Variants in BLOC1S2 observed in about 807,000 individuals in gnomAD.
BLOC1S2 encodes biogenesis of lysosome-related organelles complex 1 subunit 2.
Under a neutral mutation model 19.6 loss-of-function variants are expected in BLOC1S2, and 12 were observed. The ratio of observed to expected loss-of-function variants is 0.61; its 90% CI spans 0.39 to 0.99. The LOEUF (loss-of-function observed/expected upper bound fraction) is 0.99. Among genes scored for constraint, BLOC1S2 ranks in the 50% least tolerant of loss-of-function variants. BLOC1S2 has a pLI of 0.00. For missense variants in BLOC1S2, 142 were observed against 171.0 expected (o/e 0.83, Z 0.95); for synonymous variants, 66 against 64.1 (o/e 1.03, Z -0.14).
chr10:100,278,583 T>C (rs370455692), intron 4 of BLOC1S2, among the ~76,000 whole-genome samples: 2 of 152,192 alleles, frequency 1.3e-5, no homozygotes, highest in East Asian at 3.8e-4. Flanking sequence ...CAGGGTTAAA[T>C]GGATTAAGGG....
At chr10:100,280,796 C>T (rs1411868690) in intron 3 of BLOC1S2, 138 bp downstream of exon 3, 5 of 1,208,880 alleles carry the variant, frequency 4.1e-6, no homozygotes, top group African/African-American at 3.1e-5. Context: ...GGAAGAAATT[C>T]ATCTTAAATT....
At chr10:100,277,117 C>A (rs1379265022) in intron 4 of BLOC1S2, among the ~76,000 whole-genome samples, 3 of 151,962 alleles carry the variant, frequency 2.0e-5, no homozygotes, top group Admixed American at 6.6e-5. Context: ...TGCCCGGCAG[C>A]CCACCGTCTG....
At chr10:100,280,913 A>C (rs970751959) in intron 3 of BLOC1S2, 21 bp downstream of exon 3, 1 of 1,598,056 alleles carries the variant, frequency 6.3e-7, no homozygotes, top group Non-Finnish European at 8.5e-7. Flanking sequence ...AACATGTTTA[A>C]TTACAAATAT....
chr10:100,284,722 C>G (rs1444835769), intron 2 of BLOC1S2, among the ~76,000 whole-genome samples: 3 of 152,102 alleles, frequency 2.0e-5, no homozygotes, highest in Non-Finnish European at 2.9e-5. Context: ...AACTCCTGAC[C>G]TCAGGTGATC....
In BLOC1S2 at chr10:100,275,323, A is replaced by G; in HGVS notation, c.*139T>C. 1 of 833,948 alleles carries G rather than the reference A, an allele frequency of 1.2e-6. No homozygotes were observed. Among genetic ancestry groups the G allele is most frequent in the Non-Finnish European group, 1.9e-6 (1 of 533,492 alleles). 51.7% of individuals were successfully genotyped at this position (833,948 alleles called of 1,614,324 possible). A position where few individuals can be genotyped will look rare whatever the true frequency, so the allele number is the denominator to read the frequency against. ...TAGCCACAGTCCTCCAGTTTACTCGAACGTTGAGATGTTCCTGTGATGACC... is the reference window on the plus strand; with the variant it reads ...TAGCCACAGTCCTCCAGTTTACTCGGACGTTGAGATGTTCCTGTGATGACC... On this transcript the variant is annotated 3_prime_UTR_variant, in exon 5 of 5. Coordinates refer to ENST00000370372, the MANE Select transcript of BLOC1S2 (RefSeq NM_173809.5).
intron 4 of BLOC1S2, among the ~76,000 whole-genome samples, chr10:100,278,296 G>A (rs1275816465): frequency 1.3e-5 from 2 of 151,990 alleles, no homozygotes; most frequent in African/African-American, 4.8e-5. Flanking sequence ...GAAGTGAGGA[G>A]CCCCTCTGCC....
chr10:100,278,527 C>T (rs1309147007), intron 4 of BLOC1S2, among the ~76,000 whole-genome samples: 6 of 151,976 alleles, frequency 3.9e-5, no homozygotes, highest in African/African-American at 1.4e-4. Context: ...TGATCTATGA[C>T]CTTACCCCCA....
intron 2 of BLOC1S2, among the ~76,000 whole-genome samples, chr10:100,281,699 T>TATATA (rs1848108774): frequency 1.0e-5 from 1 of 98,890 alleles, no homozygotes; most frequent in South Asian, 2.6e-4. Context: ...AAAAAATATA[T>TATATA]ATATATACAC....
chr10:100,280,669 A>G (rs1285420007), intron 3 of BLOC1S2, among the ~76,000 whole-genome samples: 1 of 152,214 alleles, frequency 6.6e-6, no homozygotes, highest in Non-Finnish European at 1.5e-5. Context: ...TTGTAAATCA[A>G]TTCATTAGAA....
chr10:100,277,339 A>T (rs1339662865), intron 4 of BLOC1S2, among the ~76,000 whole-genome samples: 1 of 148,674 alleles, frequency 6.7e-6, no homozygotes, highest in African/African-American at 2.5e-5. Context: ...GGTGGGGGTC[A>T]GCCCCCCGCC....
At chr10:100,277,985 A>G (rs1847971770) in intron 4 of BLOC1S2, among the ~76,000 whole-genome samples, 1 of 107,960 alleles carries the variant, frequency 9.3e-6, no homozygotes, top group Admixed American at 8.5e-5. Flanking sequence ...CTGCCCGGCC[A>G]GCCGCCCTGT....
intron 4 of BLOC1S2, among the ~76,000 whole-genome samples, chr10:100,277,945 G>C (rs1847969890): frequency 9.7e-6 from 1 of 102,894 alleles, no homozygotes; most frequent in African/African-American, 4.2e-5. Context: ...CCTCTGCCCG[G>C]CCGCCCCTAC....
rs141042968 is a variant in BLOC1S2, at chr10:100,286,629, T to C, written c.31A>G (p.Thr11Ala). The change falls in exon 1 of 5, where the codon ACC (threonine) becomes GCC (alanine). Residue 11 changes from threonine (T) to alanine (A), a missense_variant. Thr to Ala is a moderately conservative substitution (Grantham distance 58, BLOSUM62 0). Transcript: ENST00000370372. ...CCTCGGGCGGGCTCATCACTCCGGG[T>C]CGCCAGTACGCCCTCGGCTGCCGCC... is the stretch of plus-strand genomic sequence containing the variant. Reference protein sequence around the residue: MAAAAEGVLATRSDEPARDDA... With the variant: MAAAAEGVLAARSDEPARDDA... 6.2e-6 allele frequency: 10 copies of C among 1,611,794 alleles called. No individual in the cohort carries two copies. Among genetic ancestry groups the C allele is most frequent in the Non-Finnish European group, 8.5e-6 (10 of 1,179,058 alleles).
intron 2 of BLOC1S2, among the ~76,000 whole-genome samples, chr10:100,283,349 G>T (rs1277229111): frequency 1.3e-5 from 2 of 152,032 alleles, no homozygotes; most frequent in African/African-American, 4.8e-5. Context: ...GATGGTAGGG[G>T]AAAAGACAAG....
intron 1 of BLOC1S2, 45 bp from the exon 2 acceptor site, chr10:100,286,258 C>A: frequency 1.3e-6 from 2 of 1,592,966 alleles, no homozygotes; most frequent in Non-Finnish European, 1.7e-6. Context: ...ACACCCGGTG[C>A]TAATCCAGCC....
intron 4 of BLOC1S2, among the ~76,000 whole-genome samples, chr10:100,278,337 A>C (rs1489793939): frequency 1.5e-4 from 23 of 152,326 alleles, no homozygotes; most frequent in African/African-American, 5.5e-4. Flanking sequence ...AGGTGTACCC[A>C]ACAGCTCATT....
At chr10:100,277,254 C>A (rs1241629808) in intron 4 of BLOC1S2, among the ~76,000 whole-genome samples, 2 of 149,106 alleles carry the variant, frequency 1.3e-5, no homozygotes, top group African/African-American at 5.0e-5. Context: ...AAGTGAGGAG[C>A]CCCTCCGCCT....
At chr10:100,276,675 T>A (rs1847883139) in intron 4 of BLOC1S2, among the ~76,000 whole-genome samples, 1 of 149,742 alleles carries the variant, frequency 6.7e-6, no homozygotes, top group East Asian at 2.0e-4. Context: ...CTGGTTTTCG[T>A]GTTTTTTTGG....
At chr10:100,282,392 C>T (rs1848131614) in intron 2 of BLOC1S2, among the ~76,000 whole-genome samples, 1 of 152,208 alleles carries the variant, frequency 6.6e-6, no homozygotes, top group Non-Finnish European at 1.5e-5. Context: ...CAAAGTCATC[C>T]TGCTCTGCTA....
Sources: gnomAD v4.1 joint callset for allele counts (sites outside exome capture counted in the v4.1 genomes callset) on GRCh38, gnomAD v4.1.1 for gene constraint, MANE v1.5 for transcripts, NCBI Gene and HGNC (gene_info 2026-07-23, HGNC 2026-07-21) for gene names.